Variants in CHID1 observed in about 807,000 individuals in gnomAD.
CHID1 encodes the protein chitinase domain containing 1.
In CHID1, 44 loss-of-function variants were observed where a neutral mutation model predicts 55.4. The observed-to-expected ratio is 0.79, with a 90% CI of 0.62 to 1.02. CHID1 has a LOEUF of 1.02. Among genes scored for constraint, CHID1 ranks in the 50% least tolerant of loss-of-function variants. The probability of loss-of-function intolerance (pLI) is 0.00; values close to 1 mark genes in which losing one functional copy is unlikely to be tolerated. For missense variants in CHID1, 491 were observed against 515.3 expected, an observed-to-expected ratio of 0.95 and a Z score of 0.46; for synonymous variants, 216 against 212.9, an observed-to-expected ratio of 1.01 and a Z score of -0.13.
At chr11:884,421 CTAA>C (rs1196025062) in intron 8 of CHID1, among the ~76,000 whole-genome samples, 2 of 152,184 alleles carry the variant, frequency 1.3e-5, no homozygotes. Flanking sequence ...AATGACAGAC[CTAA>C]TGGCGGGGAG....
intron 1 of CHID1, among the ~76,000 whole-genome samples, chr11:910,472 C>T (rs1852585146): frequency 6.6e-6 from 1 of 152,222 alleles, no homozygotes; most frequent in Non-Finnish European, 1.5e-5. Flanking sequence ...TTGCTCGCCC[C>T]AGCGCACGCG....
At chr11:903,252 A>C in intron 2 of CHID1, 141 bp from the exon 3 acceptor site, 1 of 816,582 alleles carries the variant, frequency 1.2e-6, no homozygotes, top group Non-Finnish European at 1.9e-6. Flanking sequence ...GAGACCCTGT[A>C]TGTTGAGGAT....
intron 10 of CHID1, chr11:882,487 G>A (rs893270366): frequency 1.3e-5 from 2 of 152,230 alleles, no homozygotes; most frequent in African/African-American, 2.4e-5. Context: ...CTAAGAGTAC[G>A]AATGCAGACT....
chr11:887,065 G>A (rs755162597), intron 8 of CHID1, among the ~76,000 whole-genome samples: 4 of 152,152 alleles, frequency 2.6e-5, no homozygotes, highest in Admixed American at 6.6e-5. Flanking sequence ...ACAGGGTCTT[G>A]CTCTGTTGCC....
chr11:893,817 C>T (rs1315578647), intron 7 of CHID1, among the ~76,000 whole-genome samples: 1 of 151,696 alleles, frequency 6.6e-6, no homozygotes, highest in Non-Finnish European at 1.5e-5. Flanking sequence ...ACACTTTAGA[C>T]ACCTAAAGAC....
At chr11:881,820 G>A (rs1382037250) in intron 10 of CHID1, among the ~76,000 whole-genome samples, 2 of 151,412 alleles carry the variant, frequency 1.3e-5, no homozygotes, top group Admixed American at 6.6e-5. Context: ...TCGACAACAT[G>A]GCAAAACCCT....
intron 10 of CHID1, among the ~76,000 whole-genome samples, chr11:872,820 G>A (rs1156785844): frequency 6.6e-6 from 1 of 152,192 alleles, no homozygotes; most frequent in African/African-American, 2.4e-5. Context: ...CCCTCGGGCT[G>A]TGGGGAGCTC....
intron 7 of CHID1, among the ~76,000 whole-genome samples, chr11:896,369 C>G (rs1851289351): frequency 7.3e-6 from 1 of 137,030 alleles, no homozygotes; most frequent in South Asian, 2.4e-4. Flanking sequence ...AGCCTCCACC[C>G]TAGACACAAC....
Position 903,028 on chromosome 11 carries a change from G to A in CHID1, c.195C>T (p.Arg65=). ...CCCGGGCCTTTGCCGAGCAGTAGCT[G>A]CGATGCTCAAGAACCACACTCTCAG... ...LKAESVVLEH[R]SYCSAKARDR... Residue 65 remains arginine (R), a synonymous_variant, in exon 3 of 13, where the codon CGC becomes CGT. Coordinates refer to ENST00000323578, the MANE Select transcript of CHID1 (RefSeq NM_023947.4). The A allele has an allele frequency of 1.9e-6, 3 of 1,614,000 alleles. No individual in the cohort carries two copies. Among genetic ancestry groups the A allele is most frequent in the Non-Finnish European group, 2.5e-6 (3 of 1,180,016 alleles).
intron 6 of CHID1, among the ~76,000 whole-genome samples, 162 bp from the exon 7 acceptor site, chr11:899,563 G>A (rs921210676): frequency 2.0e-5 from 3 of 152,262 alleles, no homozygotes; most frequent in African/African-American, 7.2e-5. Context: ...CCTGTCTGAA[G>A]GAGGAAGTGT....
chr11:877,104 T>C (rs1849570051), intron 10 of CHID1, among the ~76,000 whole-genome samples: 1 of 152,208 alleles, frequency 6.6e-6, no homozygotes, highest in African/African-American at 2.4e-5. Context: ...CTTTCCTGAC[T>C]GGGTGCACAC....
At chr11:912,806 C>A (rs919811449), upstream of CHID1, among the ~76,000 whole-genome samples, 1 of 150,058 alleles carries the variant, frequency 6.7e-6, no homozygotes, top group Non-Finnish European at 1.5e-5. Flanking sequence ...CCATTGCACT[C>A]CAGCCTGGGC....
intron 7 of CHID1, among the ~76,000 whole-genome samples, chr11:896,354 C>A (rs1356072775): frequency 7.4e-6 from 1 of 135,200 alleles, no homozygotes; most frequent in South Asian, 2.4e-4. Flanking sequence ...TGTCTCAGCA[C>A]CCCCAGCCTC....
chr11:886,469 G>A (rs1408908739), intron 8 of CHID1, among the ~76,000 whole-genome samples: 1 of 152,180 alleles, frequency 6.6e-6, no homozygotes, highest in Non-Finnish European at 1.5e-5. Context: ...AATCGGTCTT[G>A]CTGTGGACAG....
intron 5 of CHID1, among the ~76,000 whole-genome samples, chr11:900,534 CAT>C (rs1309708259): frequency 2.0e-5 from 3 of 152,188 alleles, no homozygotes; most frequent in East Asian, 1.9e-4. Flanking sequence ...CGTGGGGACA[CAT>C]GTCCCCCCTT....
intron 7 of CHID1, among the ~76,000 whole-genome samples, chr11:894,567 C>T (rs528566080): frequency 4.6e-5 from 7 of 152,314 alleles, no homozygotes; most frequent in Admixed American, 1.3e-4. Flanking sequence ...TGTTACCGCA[C>T]GTAGGAGACT....
intron 8 of CHID1, among the ~76,000 whole-genome samples, chr11:891,938 CAAA>C (rs57065345): frequency 0.21 from 21,671 of 102,716 alleles, 2,295 homozygotes; most frequent in South Asian, 0.37. Flanking sequence ...ACCTCATTTC[CAAA>C]AAAAAAAAAA....
At chr11:897,428 A>G (rs1232308062) in intron 7 of CHID1, among the ~76,000 whole-genome samples, 1 of 152,216 alleles carries the variant, frequency 6.6e-6, no homozygotes, top group African/African-American at 2.4e-5. Flanking sequence ...GAAGGCTGGA[A>G]GCAGGCGGGC....
chr11:904,882 T>C (rs764395562), intron 1 of CHID1, 23 bp from the exon 2 acceptor site: 30 of 1,609,656 alleles, frequency 1.9e-5, no homozygotes, highest in Admixed American at 3.3e-5. Context: ...CAGAGCACAT[T>C]CAAACAACCG....
Sources: allele counts gnomAD v4.1 joint callset (sites outside exome capture counted in the v4.1 genomes callset), GRCh38; gene constraint gnomAD v4.1.1; transcripts MANE v1.5; gene names NCBI Gene and HGNC (gene_info 2026-07-23, HGNC 2026-07-21).